Variants in DAD1 observed in about 807,000 individuals in gnomAD.
DAD1 encodes dolichyl-diphosphooligosaccharide--protein glycosyltransferase subunit DAD1.
In DAD1, 4 loss-of-function variants were observed where a neutral mutation model predicts 9.0. That is an observed-to-expected ratio of 0.44 (90% CI 0.22 to 1.01). The LOEUF (loss-of-function observed/expected upper bound fraction) is 1.01. DAD1 is among the 50% of genes least tolerant of loss of function. DAD1 has a pLI of 0.24. For missense variants in DAD1, 119 were observed against 137.3 expected (o/e 0.87, Z 0.67); for synonymous variants, 60 against 62.5 (o/e 0.96, Z 0.19).
At chr14:22,565,835 C>G (rs186545072) in intron 2 of DAD1, among the ~76,000 whole-genome samples, 1 of 152,250 alleles carries the variant, frequency 6.6e-6, no homozygotes, top group East Asian at 1.9e-4. Flanking sequence ...TGGACTCCAG[C>G]ACAGCTCTGG....
rs532920203 is a variant in DAD1, at chr14:22,578,241, G to A, written c.212-3008C>T. ...GCACTCTAGCATGGGCAACAAGAGC[G>A]AAACTCCATCTAAAAAAAAAAAAAT... On this transcript the variant is annotated intron_variant, in intron 1 of 2. Coordinates refer to ENST00000250498, the MANE Select transcript of DAD1 (RefSeq NM_001344.4). Among the ~76,000 whole-genome samples, 76 of 142,708 alleles carry A rather than the reference G, an allele frequency of 5.3e-4. No homozygotes were observed. In the South Asian group the frequency reaches 0.014, roughly 25 times the overall value. 93.6% of individuals were successfully genotyped at this position (142,708 alleles called of 152,430 possible). A position where few individuals can be genotyped will look rare whatever the true frequency, so the allele number is the denominator to read the frequency against.
At chr14:22,581,914 G>A (rs7157816) in intron 1 of DAD1, among the ~76,000 whole-genome samples, 13,626 of 152,074 alleles carry the variant, frequency 0.09, 1,117 homozygotes, top group African/African-American at 0.21. Context: ...GTTAAAAAGA[G>A]GCAGAAGGCC....
chr14:22,579,685 G>GA (rs953798635), intron 1 of DAD1, among the ~76,000 whole-genome samples: 3 of 150,134 alleles, frequency 2.0e-5, no homozygotes, highest in African/African-American at 4.9e-5. Context: ...TTGTAAAGTT[G>GA]AAAAAAAAAT....
rs5742731 is a variant in DAD1 at position 22,589,171 on chromosome 14, G to T, written c.-14C>A. ...CGACGCCGACATAACTGCACGCAAG[G>T]TACTCCGGTCCGCGCCCCAAACTCT... is the stretch of plus-strand genomic sequence containing the variant. On this transcript the variant is annotated 5_prime_UTR_variant, in exon 1 of 3. Coordinates refer to ENST00000250498, the MANE Select transcript of DAD1 (RefSeq NM_001344.4). 6 of 1,613,782 alleles carry T rather than the reference G, an allele frequency of 3.7e-6. No individual in the cohort carries two copies. Among genetic ancestry groups the T allele is most frequent in the East Asian group, 4.5e-5 (2 of 44,898 alleles).
At chr14:22,573,935 A>G (rs2037060322) in intron 2 of DAD1, among the ~76,000 whole-genome samples, 1 of 152,152 alleles carries the variant, frequency 6.6e-6, no homozygotes, top group Non-Finnish European at 1.5e-5. Flanking sequence ...CACTTTGCAC[A>G]TAGATGCTCT....
intron 1 of DAD1, 34 bp downstream of exon 1, chr14:22,588,913 A>G: frequency 6.2e-7 from 1 of 1,603,876 alleles, no homozygotes; most frequent in Non-Finnish European, 8.5e-7. Context: ...CCAAAGTAAC[A>G]CATTATTATT....
At chr14:22,575,862 C>T (rs1035317596) in intron 1 of DAD1, among the ~76,000 whole-genome samples, 1 of 152,168 alleles carries the variant, frequency 6.6e-6, no homozygotes, top group African/African-American at 2.4e-5. Context: ...TTAAAAAATA[C>T]ACACTGGCTG....
rs574696950 is a variant in DAD1 at position 22,565,322 on chromosome 14, ATC to A, written c.*45-187_*45-186del. Among the ~76,000 whole-genome samples the A allele has an allele frequency of 1.2e-4, 18 of 152,388 alleles. No homozygotes were observed. The South Asian group carries it at 3.7e-3, about 32-fold the overall frequency. ...TCAAAGAACATTTTATGGGAGTAGT[ATC>A]CAGAAAAATTAATGTCAAAACTGAA... On this transcript the variant is annotated intron_variant, in intron 2 of 2. Transcript: ENST00000250498.
intron 1 of DAD1, among the ~76,000 whole-genome samples, chr14:22,579,986 T>C (rs1309566372): frequency 1.4e-5 from 2 of 147,108 alleles, no homozygotes; most frequent in Admixed American, 1.3e-4. Context: ...ACAACAGTCA[T>C]GCACCACCAT....
At chr14:22,588,838 G>T in intron 1 of DAD1, 109 bp downstream of exon 1, 1 of 1,104,584 alleles carries the variant, frequency 9.1e-7, no homozygotes. Flanking sequence ...GGCAATGCAG[G>T]CTCTTCTCAT....
chr14:22,587,347 A>G (rs2037160452), intron 1 of DAD1, among the ~76,000 whole-genome samples: 1 of 152,172 alleles, frequency 6.6e-6, no homozygotes, highest in African/African-American at 2.4e-5. Context: ...CTGGAAACAA[A>G]AACATCAAAC....
At chr14:22,570,260 G>A (rs1429785336) in intron 2 of DAD1, among the ~76,000 whole-genome samples, 1 of 152,096 alleles carries the variant, frequency 6.6e-6, no homozygotes, top group African/African-American at 2.4e-5. Context: ...CTAAGGAGGT[G>A]AAAAAAAGAA....
At position 22,565,046 on chromosome 14, in the gene DAD1, G is replaced by T. The variant is rs577268120; in HGVS notation, c.*136C>A. 1.4e-6 allele frequency: 1 copy of T among 697,930 alleles called. No homozygotes were observed. The highest frequency in any genetic ancestry group is 2.6e-6 in the Non-Finnish European group (1 of 383,278). 43.2% of individuals were successfully genotyped at this position (697,930 alleles called of 1,614,324 possible). ...GGGCTTTTCTCCTGCATAAAAAGCA[G>T]AGCTAGCAGTAAGTGCAAATCTGAA... On this transcript the variant is annotated 3_prime_UTR_variant, in exon 3 of 3. Coordinates refer to ENST00000250498, the MANE Select transcript of DAD1 (RefSeq NM_001344.4).
intron 1 of DAD1, among the ~76,000 whole-genome samples, chr14:22,579,101 C>T (rs539117558): frequency 2.0e-5 from 3 of 151,950 alleles, no homozygotes; most frequent in African/African-American, 7.2e-5. Context: ...TCTTTGATCT[C>T]GAAGTTCTAG....
intron 2 of DAD1, among the ~76,000 whole-genome samples, chr14:22,572,909 G>T (rs770045588): frequency 1.3e-5 from 2 of 152,154 alleles, no homozygotes; most frequent in Non-Finnish European, 2.9e-5. Context: ...AGCGTGAGAA[G>T]GTCAATGTTG....
Position 22,574,284 on chromosome 14 carries a change from G to A in DAD1, c.*44+775C>T, listed in dbSNP as rs769040106. Among the ~76,000 whole-genome samples the A allele has an allele frequency of 1.5e-4, 23 of 152,070 alleles. 1 individual carries two copies. The highest frequency in any genetic ancestry group is 2.6e-4 in the Non-Finnish European group (18 of 68,014). On this transcript the variant is annotated intron_variant, in intron 2 of 2. Transcript: ENST00000250498. Reference sequence around the variant, plus strand: ...ATATAAAGTAACAGTGTTGACATACGGTATGGAAAACAGCCATATATTTAT... The same window carrying A: ...ATATAAAGTAACAGTGTTGACATACAGTATGGAAAACAGCCATATATTTAT...
chr14:22,566,570 G>T (rs1453008903), intron 2 of DAD1, among the ~76,000 whole-genome samples: 1 of 152,074 alleles, frequency 6.6e-6, no homozygotes, highest in Non-Finnish European at 1.5e-5. Context: ...CTGACCTCAG[G>T]TGATCCACCC....
intron 1 of DAD1, among the ~76,000 whole-genome samples, chr14:22,583,095 G>A (rs963355966): frequency 6.6e-6 from 1 of 151,648 alleles, no homozygotes; most frequent in African/African-American, 2.4e-5. Context: ...GTTTGATCTT[G>A]GACATGTTAA....
intron 1 of DAD1, 45 bp downstream of exon 1, chr14:22,588,902 A>G: frequency 6.3e-7 from 1 of 1,598,144 alleles, no homozygotes; most frequent in Non-Finnish European, 8.6e-7. Context: ...AAAGCAGCAC[A>G]CCAAAGTAAC....
Sources: gnomAD v4.1 joint callset for allele counts (sites outside exome capture counted in the v4.1 genomes callset) on GRCh38, gnomAD v4.1.1 for gene constraint, MANE v1.5 for transcripts, NCBI Gene and HGNC (gene_info 2026-07-23, HGNC 2026-07-21) for gene names.